The following TENM1 variants were observed in gnomAD, a reference collection of about 807,000 sequenced individuals.
The protein encoded by TENM1 is teneurin-1.
A neutral mutation model predicts 174.8 loss-of-function variants in TENM1; 35 were observed. The observed-to-expected ratio is 0.20, with a 90% CI of 0.15 to 0.27. TENM1 has a LOEUF of 0.27. TENM1 is among the 10% of genes least tolerant of loss of function. The pLI is 1.00. For synonymous variants in TENM1, 781 were observed against 798.7 expected (o/e 0.98, Z 0.37); for missense variants, 1,633 against 2,130.1 (o/e 0.77, Z 4.59).
At chrX:124,476,816 G>T (rs1215269575) in intron 22 of TENM1, among the ~76,000 whole-genome samples, 1 of 112,395 alleles carries the variant, frequency 8.9e-6, no homozygotes, top group African/African-American at 3.2e-5. Flanking sequence ...ATAATAAATG[G>T]AACCTAAGTT....
intron 23 of TENM1, among the ~76,000 whole-genome samples, chrX:124,427,981 A>C (rs1000686197): frequency 8.9e-6 from 1 of 111,856 alleles, no homozygotes; most frequent in African/African-American, 3.3e-5. Flanking sequence ...GAAGAGCAGC[A>C]GCAAAGCTCT....
At chrX:125,163,180 G>C in the TENM1 span, among the ~76,000 whole-genome samples, 1 of 111,237 alleles carries the variant, frequency 9.0e-6, no homozygotes, top group Non-Finnish European at 1.9e-5. Flanking sequence ...CTCAATAGTA[G>C]CAGTGTGTGT....
rs769636671 is a variant in TENM1, at chrX:124,586,424, C to G, written c.2078-20864G>C. On this transcript the variant is annotated intron_variant, in intron 11 of 31. Transcript: ENST00000422452. ...ATGTAATCCAGCATATAAACAGAAC[C>G]AAAGACAAAAACCACATGATTATCT... Among the ~76,000 whole-genome samples the G allele has an allele frequency of 2.6e-4, 28 of 108,937 alleles. No individual in the cohort carries two copies. The East Asian group carries it at 7.6e-3, about 29-fold the overall frequency. 94.6% of individuals were successfully genotyped at this position (108,937 alleles called of 115,157 possible).
chrX:124,653,887 C>G, intron 6 of TENM1, 104 bp from the exon 10 acceptor site: 1 of 679,927 alleles, frequency 1.5e-6, no homozygotes. Flanking sequence ...ACTTACTCAG[C>G]TTTTTCTTCC....
rs1316148826 is a variant in TENM1, at chrX:124,844,998, A to T, written c.535+49298T>A. ...GGCTGTGGCCTAGAGATTTGTATGT[A>T]TAAGAAGCACCCCAGGTGACTAGTA... is the stretch of plus-strand genomic sequence containing the variant. On this transcript the variant is annotated intron_variant, in intron 3 of 31. Transcript: ENST00000422452. Among the ~76,000 whole-genome samples the T allele has an allele frequency of 2.7e-5, 3 of 111,332 alleles. No homozygotes were observed. The Admixed American group carries it at 2.9e-4, about 11-fold the overall frequency.
At chrX:124,996,561 ACACAC>A in the TENM1 span, among the ~76,000 whole-genome samples, 1 of 108,076 alleles carries the variant, frequency 9.3e-6, no homozygotes, top group Non-Finnish European at 1.9e-5. Context: ...ACACACACAC[ACACAC>A]ACACACACTT....
At chrX:125,192,863 T>G in the TENM1 span, among the ~76,000 whole-genome samples, 2 of 112,053 alleles carry the variant, frequency 1.8e-5, no homozygotes, top group Non-Finnish European at 3.8e-5. Flanking sequence ...TATTGTTATT[T>G]AAGGCACTAT....
At chrX:125,147,340 CAG>C in the TENM1 span, among the ~76,000 whole-genome samples, 1 of 110,564 alleles carries the variant, frequency 9.0e-6, no homozygotes, top group East Asian at 2.9e-4. Context: ...CACAGACACA[CAG>C]AGCATTTCAT....
chrX:124,599,295 T>C (rs2049977067), intron 11 of TENM1, among the ~76,000 whole-genome samples: 1 of 111,637 alleles, frequency 9.0e-6, no homozygotes, highest in African/African-American at 3.3e-5. Flanking sequence ...CTTATCAATA[T>C]AGGGACTGCT....
the TENM1 span, among the ~76,000 whole-genome samples, chrX:125,040,723 C>T: frequency 1.3e-4 from 14 of 111,092 alleles, no homozygotes; most frequent in Non-Finnish European, 1.9e-4. Flanking sequence ...TGCACAATAA[C>T]ATTTCTCTTT....
At chrX:124,832,093 A>T (rs923560827) in intron 3 of TENM1, among the ~76,000 whole-genome samples, 4 of 111,754 alleles carry the variant, frequency 3.6e-5, no homozygotes, top group Admixed American at 2.9e-4. Context: ...AGATACAAGA[A>T]GTGGGGGAGG....
At chrX:124,704,264 G>A (rs1396008327) in intron 5 of TENM1, among the ~76,000 whole-genome samples, 7 of 111,901 alleles carry the variant, frequency 6.3e-5, no homozygotes, top group African/African-American at 2.3e-4. Context: ...TAGGAATAGT[G>A]CTGCCACAAA....
chrX:124,927,438 G>A (rs1175615771), intron 1 of TENM1, among the ~76,000 whole-genome samples: 1 of 111,414 alleles, frequency 9.0e-6, no homozygotes, highest in Non-Finnish European at 1.9e-5. Flanking sequence ...AAACTTTACT[G>A]GCCAGAGCCC....
intron 1 of TENM1, among the ~76,000 whole-genome samples, chrX:124,911,489 T>C (rs2057836234): frequency 8.9e-6 from 1 of 112,079 alleles, no homozygotes; most frequent in South Asian, 3.7e-4. Context: ...GGACTCACTC[T>C]GCCTGAAAGA....
intron 1 of TENM1, among the ~76,000 whole-genome samples, chrX:124,942,779 G>T (rs765890948): frequency 4.5e-5 from 5 of 110,762 alleles, no homozygotes; most frequent in Non-Finnish European, 7.6e-5. Flanking sequence ...CTGTTCTTTC[G>T]TATCTCAACA....
At chrX:124,881,752 A>C (rs1401250934) in intron 3 of TENM1, among the ~76,000 whole-genome samples, 1 of 105,941 alleles carries the variant, frequency 9.4e-6, no homozygotes, top group Non-Finnish European at 1.9e-5. Context: ...TTTTTTAGAC[A>C]GAGTTTTGTT....
At chrX:124,671,027 A>G (rs149996639) in intron 6 of TENM1, among the ~76,000 whole-genome samples, 1,355 of 111,264 alleles carry the variant, frequency 0.012, 22 homozygotes, top group African/African-American at 0.042. Context: ...ATTTCCAGCT[A>G]TTTTCACTGC....
At chrX:124,955,433 A>G (rs2058556956) in intron 1 of TENM1, among the ~76,000 whole-genome samples, 1 of 111,109 alleles carries the variant, frequency 9.0e-6, no homozygotes, top group Non-Finnish European at 1.9e-5. Context: ...TTATTTGACA[A>G]TATTAGTTAC....
At chrX:124,401,967 C>A (rs1216551816) in intron 27 of TENM1, among the ~76,000 whole-genome samples, 4 of 111,741 alleles carry the variant, frequency 3.6e-5, no homozygotes, top group Non-Finnish European at 5.6e-5. Flanking sequence ...CAGGCCCTGC[C>A]AAGGTAGCTC....
Sources: allele counts gnomAD v4.1 joint callset (sites outside exome capture counted in the v4.1 genomes callset), GRCh38; gene constraint gnomAD v4.1.1; transcripts MANE v1.5; gene names NCBI Gene and HGNC (gene_info 2026-07-23, HGNC 2026-07-21).